MAN1C1: variants seen among roughly 807,000 people sequenced by gnomAD.
MAN1C1 encodes mannosidase alpha class 1C member 1.
Under a neutral mutation model 71.5 loss-of-function variants are expected in MAN1C1, and 49 were observed. The observed-to-expected ratio is 0.69, with a 90% confidence interval of 0.54 to 0.87. The LOEUF is 0.87. Ranked by LOEUF, MAN1C1 falls within the 40% of genes least tolerant of loss-of-function variation. The pLI, the probability that MAN1C1 is intolerant of heterozygous loss-of-function variation, is 0.00. For missense variants in MAN1C1, 743 were observed against 835.0 expected (o/e 0.89, Z 1.36); for synonymous variants, 352 against 343.7 (o/e 1.02, Z -0.27).
intron 1 of MAN1C1, among the ~76,000 whole-genome samples, chr1:25,682,565 G>A (rs1435675162): frequency 6.6e-6 from 1 of 152,152 alleles, no homozygotes; most frequent in African/African-American, 2.4e-5. Context: ...ATAGGTGAGT[G>A]CACTTCAAGA....
rs1488540011 is a variant in MAN1C1 at position 25,746,513 on chromosome 1, A to G, written c.638-155A>G. 6.6e-6 allele frequency among the ~76,000 whole-genome samples: 1 copy of G among 152,142 alleles called. No homozygotes were observed. Among genetic ancestry groups the G allele is most frequent in the African/African-American group, 2.4e-5 (1 of 41,420 alleles). On this transcript the variant is annotated intron_variant, in intron 2 of 11. Transcript: ENST00000374332. The surrounding 1 kb of genome is among the most constrained non-coding windows in gnomAD (Gnocchi z 4.0). ...ACTCTGGGTCTCGGCGTCACCTTCGATGGTGGCACTGGAGTCCCCCGGATG... is the reference window on the plus strand; with the variant it reads ...ACTCTGGGTCTCGGCGTCACCTTCGGTGGTGGCACTGGAGTCCCCCGGATG...
intron 1 of MAN1C1, chr1:25,644,519 T>TATATATATATATATATATATATATATATA (rs1553182595): frequency 1.7e-5 from 1 of 58,446 alleles, no homozygotes; most frequent in African/African-American, 1.6e-4. Context: ...TATATATATA[T>TATATATATATATATATATATATATATATA]TTTTTTTTTT....
At chr1:25,639,274 A>G (rs2045506392) in intron 1 of MAN1C1, among the ~76,000 whole-genome samples, 1 of 152,162 alleles carries the variant, frequency 6.6e-6, no homozygotes, top group African/African-American at 2.4e-5. Flanking sequence ...ATCCTAAAGC[A>G]TATTTATAAT....
chr1:25,668,113 T>G lies in MAN1C1; in HGVS notation c.541-18327T>G, dbSNP rs1046608440. Among the ~76,000 whole-genome samples, 47 of 152,218 alleles carry G rather than the reference T, an allele frequency of 3.1e-4. 1 individual carries two copies. Among genetic ancestry groups the G allele is most frequent in the Admixed American group, 2.8e-3 (43 of 15,284 alleles). On this transcript the variant is annotated intron_variant, in intron 1 of 11. Transcript: ENST00000374332. Reference sequence around the variant, plus strand: ...AAAATATGTACTTTGGAATCTCTTCTCATGGGGGCTTGGAGGAACAAAGAA... The same window carrying G: ...AAAATATGTACTTTGGAATCTCTTCGCATGGGGGCTTGGAGGAACAAAGAA...
rs2047656509 is a variant in MAN1C1, at chr1:25,778,900, C to T, written c.1477+576C>T. Among the ~76,000 whole-genome samples, 1 of 152,198 alleles carries T rather than the reference C, an allele frequency of 6.6e-6. No homozygotes were observed. The highest frequency in any genetic ancestry group is 6.5e-5 in the Admixed American group (1 of 15,292). ...TGTCCGATGCTAGAATCAGAGGTCACATTTGAGAGCCTGAGCCTGGCTCCT... is the reference window on the plus strand; with the variant it reads ...TGTCCGATGCTAGAATCAGAGGTCATATTTGAGAGCCTGAGCCTGGCTCCT... On this transcript the variant is annotated intron_variant, in intron 9 of 11. Coordinates refer to ENST00000374332, the MANE Select transcript of MAN1C1 (RefSeq NM_020379.4). The surrounding 1 kb of genome is among the most constrained non-coding windows in gnomAD (Gnocchi z 5.5).
At chr1:25,768,237 C>T (rs2047479017) in intron 7 of MAN1C1, among the ~76,000 whole-genome samples, 1 of 81,628 alleles carries the variant, frequency 1.2e-5, no homozygotes, top group Non-Finnish European at 2.5e-5. Flanking sequence ...ACACACTCCC[C>T]TCACACACAT....
chr1:25,776,508 A>T lies in MAN1C1; in HGVS notation c.1258-1597A>T, dbSNP rs930617173. Among the ~76,000 whole-genome samples the T allele has an allele frequency of 1.3e-5, 2 of 152,170 alleles. No homozygotes were observed. Among genetic ancestry groups the T allele is most frequent in the Non-Finnish European group, 2.9e-5 (2 of 68,014 alleles). On this transcript the variant is annotated intron_variant, in intron 8 of 11. Transcript: ENST00000374332. This position sits in a 1 kb window ranked among gnomAD's most constrained non-coding sequence, Gnocchi z 4.3. ...GCGGAGGTTGCAGTGAGCCAAGATC[A>T]TGCCACTGCACTTCAGCCTGGGTGA...
At chr1:25,670,546 A>G (rs909043631) in intron 1 of MAN1C1, among the ~76,000 whole-genome samples, 5 of 152,234 alleles carry the variant, frequency 3.3e-5, no homozygotes, top group African/African-American at 1.2e-4. Flanking sequence ...AGCAGACATA[A>G]GGATGGGCCA....
chr1:25,750,187 G>A (rs2124346179), intron 4 of MAN1C1, among the ~76,000 whole-genome samples: 1 of 150,862 alleles, frequency 6.6e-6, no homozygotes, highest in African/African-American at 2.4e-5. Context: ...GAAGGAAAGG[G>A]TGGGGCCCCA....
At position 25,618,316 on chromosome 1, in the gene MAN1C1, C is replaced by T. The variant is rs1282734014; in HGVS notation, c.519C>T (p.Ala173=). Residue 173 remains alanine, a synonymous_variant, in exon 1 of 12, where the codon GCC becomes GCT. Transcript: ENST00000374332. ...AGGAGCCCCAGAGCCAAGTGCGAGC[C>T]CAGCGGGAGAAAATCAAGGAGGTAT... ...ESQEPQSQVR[A]QREKIKEMMQ... The T allele has an allele frequency of 1.2e-6, 2 of 1,601,958 alleles. No homozygotes were observed. The highest frequency in any genetic ancestry group is 4.5e-5 in the East Asian group (2 of 44,230).
intron 1 of MAN1C1, among the ~76,000 whole-genome samples, chr1:25,621,933 C>G (rs550651073): frequency 1.3e-5 from 2 of 152,140 alleles, no homozygotes; most frequent in South Asian, 4.2e-4. Context: ...CTGGCCAGTG[C>G]TTGGTTGTTG....
At chr1:25,680,085 C>CG (rs1475736621) in intron 1 of MAN1C1, among the ~76,000 whole-genome samples, 3 of 151,092 alleles carry the variant, frequency 2.0e-5, no homozygotes, top group Non-Finnish European at 4.4e-5. Context: ...ATTTTTGAGA[C>CG]GGAGTCTTGC....
intron 1 of MAN1C1, among the ~76,000 whole-genome samples, chr1:25,665,855 C>CTTTTTTTTTT (rs757054975): frequency 1.0e-5 from 1 of 96,912 alleles, no homozygotes; most frequent in Non-Finnish European, 1.9e-5. Context: ...TTGGCATTGG[C>CTTTTTTTTTT]TTTTTTTTTT....
intron 7 of MAN1C1, among the ~76,000 whole-genome samples, chr1:25,765,235 T>C (rs1182567108): frequency 6.6e-6 from 1 of 152,112 alleles, no homozygotes; most frequent in Non-Finnish European, 1.5e-5. Context: ...TGGGGTCGCT[T>C]AGGTGTGAGA....
rs745975658 is a variant in MAN1C1, at chr1:25,618,051, C to T, written c.254C>T (p.Ala85Val). The T allele has an allele frequency of 1.3e-5, 20 of 1,565,816 alleles. No individual in the cohort carries two copies. Among genetic ancestry groups the T allele is most frequent in the Admixed American group, 1.8e-5 (1 of 54,722 alleles). ...AREQEPPPNP[A>V]PAAPAPGEDD... Reference sequence around the variant, plus strand: ...GAGCAGGAGCCGCCTCCCAACCCGGCCCCCGCCGCGCCGGCCCCGGGCGAG... The same window carrying T: ...GAGCAGGAGCCGCCTCCCAACCCGGTCCCCGCCGCGCCGGCCCCGGGCGAG... Residue 85 changes from alanine (A) to valine (V), a missense_variant, in exon 1 of 12, where the codon GCC becomes GTC. By Grantham distance (64) the Ala-to-Val change is moderately conservative. Transcript: ENST00000374332.
Position 25,637,909 on chromosome 1 carries a change from T to C in MAN1C1, c.540+19572T>C, listed in dbSNP as rs201734409. 2.5e-3 allele frequency among the ~76,000 whole-genome samples: 18 copies of C among 7,136 alleles called. No individual in the cohort carries two copies. In the Admixed American group the frequency reaches 0.029, roughly 12 times the overall value. 4.7% of individuals were successfully genotyped at this position (7,136 alleles called of 152,430 possible). A position where few individuals can be genotyped will look rare whatever the true frequency, so the allele number is the denominator to read the frequency against. Reference sequence around the variant, plus strand: ...ATGGTAGAACTTTTTCCATCCTTTTTTTTTTTAACCCATTTGTATCTTTGT... The same window carrying C: ...ATGGTAGAACTTTTTCCATCCTTTTCTTTTTTAACCCATTTGTATCTTTGT... On this transcript the variant is annotated intron_variant, in intron 1 of 11. Coordinates refer to ENST00000374332, the MANE Select transcript of MAN1C1 (RefSeq NM_020379.4).
At chr1:25,674,833 G>A (rs570012787) in intron 1 of MAN1C1, among the ~76,000 whole-genome samples, 16 of 152,136 alleles carry the variant, frequency 1.1e-4, no homozygotes, top group Non-Finnish European at 1.9e-4. Context: ...GAAGCAGAGC[G>A]ATATGAATAA....
chr1:25,752,150 A>T (rs1467430822), intron 4 of MAN1C1, among the ~76,000 whole-genome samples: 1 of 152,086 alleles, frequency 6.6e-6, no homozygotes, highest in Non-Finnish European at 1.5e-5. Context: ...CCACAGCTGC[A>T]CACGTGAGGT....
At chr1:25,645,997 G>A (rs1338685373) in intron 1 of MAN1C1, 10 of 152,318 alleles carry the variant, frequency 6.6e-5, no homozygotes, top group Non-Finnish European at 1.5e-5. Context: ...CTTGAAGAAT[G>A]AATGTTGAGG....
Sources: allele counts gnomAD v4.1 joint callset (sites outside exome capture counted in the v4.1 genomes callset), GRCh38; gene constraint gnomAD v4.1.1; non-coding constraint Gnocchi (gnomAD v3.1); transcripts MANE v1.5; gene names NCBI Gene and HGNC (gene_info 2026-07-23, HGNC 2026-07-21).